LIMD1: variants seen among roughly 807,000 people sequenced by gnomAD.
LIMD1 encodes LIM domain containing 1, also known as LIM domain-containing protein 1.
Under a neutral mutation model 58.4 loss-of-function variants are expected in LIMD1, and 23 were observed. The ratio of observed to expected loss-of-function variants is 0.39; its 90% CI spans 0.28 to 0.56. LIMD1 has a LOEUF of 0.56. Among genes scored for constraint, LIMD1 ranks in the 20% least tolerant of loss-of-function variants. The probability of loss-of-function intolerance (pLI) is 0.57; values close to 1 mark genes in which losing one functional copy is unlikely to be tolerated. For missense variants in LIMD1, 838 were observed against 855.5 expected (o/e 0.98, Z 0.25); for synonymous variants, 334 against 345.5 (o/e 0.97, Z 0.37).
At chr3:45,601,508 C>G (rs765617599) in intron 1 of LIMD1, among the ~76,000 whole-genome samples, 1 of 152,210 alleles carries the variant, frequency 6.6e-6, no homozygotes, top group Non-Finnish European at 1.5e-5. Flanking sequence ...TGCAGCATCC[C>G]CACAGTGCCC....
chr3:45,636,891 C>CA (rs1372755477), intron 2 of LIMD1, among the ~76,000 whole-genome samples: 1 of 152,244 alleles, frequency 6.6e-6, no homozygotes, highest in Non-Finnish European at 1.5e-5. Context: ...AAGATTCTAA[C>CA]ACATTGCATG....
At chr3:45,635,202 C>T (rs1387519294) in intron 1 of LIMD1, among the ~76,000 whole-genome samples, 3 of 152,090 alleles carry the variant, frequency 2.0e-5, no homozygotes, top group Non-Finnish European at 4.4e-5. Flanking sequence ...TGCACCACTG[C>T]ACTCCAGCCC....
At chr3:45,642,231 A>G (rs761136625) in intron 2 of LIMD1, among the ~76,000 whole-genome samples, 1 of 151,374 alleles carries the variant, frequency 6.6e-6, no homozygotes, top group Non-Finnish European at 1.5e-5. Flanking sequence ...GCTGGAGTGC[A>G]ATGGTGGGAT....
intron 1 of LIMD1, among the ~76,000 whole-genome samples, chr3:45,604,096 C>T (rs1701443840): frequency 6.6e-6 from 1 of 152,168 alleles, no homozygotes; most frequent in South Asian, 2.1e-4. Flanking sequence ...AATGTAAAAA[C>T]ACATTATGGC....
intron 1 of LIMD1, among the ~76,000 whole-genome samples, chr3:45,606,354 GT>G (rs1701467638): frequency 1.3e-5 from 2 of 152,208 alleles, no homozygotes; most frequent in South Asian, 4.1e-4. Context: ...AGGGGCTACT[GT>G]GGCTAGGGTA....
intron 2 of LIMD1, among the ~76,000 whole-genome samples, chr3:45,648,203 A>G (rs1281765955): frequency 6.6e-6 from 1 of 152,192 alleles, no homozygotes; most frequent in Admixed American, 6.5e-5. Flanking sequence ...TGGAATAAAT[A>G]AAGGTGACAC....
At position 45,595,244 on chromosome 3, in the gene LIMD1, C is replaced by T. The variant is rs1334488466; in HGVS notation, c.365C>T (p.Ala122Val). The T allele has an allele frequency of 6.2e-7, 1 of 1,605,786 alleles. No individual in the cohort carries two copies. Among genetic ancestry groups the T allele is most frequent in the East Asian group, 2.2e-5 (1 of 44,730 alleles). The change falls in exon 1 of 8, where the codon GCT (alanine) becomes GTT (valine). Residue 122 changes from alanine to valine, a missense_variant. Ala to Val is a moderately conservative substitution (Grantham distance 64). Around this residue, in one of 3 missense-constraint regions of LIMD1, gnomAD observed 659 missense variants for 639.8 expected, o/e 1.03. Transcript: ENST00000273317. ...CCTGGGGCAGTCACCACCCTCGCTG[C>T]TGGGCAGCCCCCGTACCCACCGCAG... ...GAPGAVTTLAAGQPPYPPQEQ... is the reference protein window; with the variant it reads ...GAPGAVTTLAVGQPPYPPQEQ...
chr3:45,679,962 T>C lies in LIMD1; in HGVS notation c.*2903T>C, dbSNP rs1697718739. The C allele has an allele frequency of 6.6e-6, 1 of 152,192 alleles. No homozygotes were observed. Among genetic ancestry groups the C allele is most frequent in the African/African-American group, 2.4e-5 (1 of 41,420 alleles). The allele number at this position is 152,192 out of a possible 1,614,324, so 9.4% of individuals were successfully genotyped here. ...TGGTTAGTGCTCGAGTGAAAACCTCTTTCAGCTGAGTCCTCTGAGGTTCTG... is the reference window on the plus strand; with the variant it reads ...TGGTTAGTGCTCGAGTGAAAACCTCCTTCAGCTGAGTCCTCTGAGGTTCTG... On this transcript the variant is annotated 3_prime_UTR_variant, in exon 8 of 8. Coordinates refer to ENST00000273317, the MANE Select transcript of LIMD1 (RefSeq NM_014240.3).
In LIMD1 at chr3:45,684,286, C is replaced by T. The variant is rs1448524501; in HGVS notation, c.*7227C>T. ...TCCTAGCTCTCAAGGACAGGTGGTT[C>T]TGGGCCCTGTGTTGCCCATGAGACT... On this transcript the variant is annotated 3_prime_UTR_variant, in exon 8 of 8. Transcript: ENST00000273317. 2.0e-5 allele frequency: 3 copies of T among 152,252 alleles called. No homozygotes were observed. Among genetic ancestry groups the T allele is most frequent in the African/African-American group, 7.2e-5 (3 of 41,458 alleles). 9.4% of individuals were successfully genotyped at this position (152,252 alleles called of 1,614,324 possible). A position where few individuals can be genotyped will look rare whatever the true frequency, so the allele number is the denominator to read the frequency against.
At chr3:45,671,952 T>C (rs1436318520) in intron 4 of LIMD1, among the ~76,000 whole-genome samples, 2 of 152,218 alleles carry the variant, frequency 1.3e-5, no homozygotes, top group African/African-American at 4.8e-5. Context: ...CTGCTGTCCA[T>C]GTCTTGGGTC....
intron 1 of LIMD1, among the ~76,000 whole-genome samples, chr3:45,601,302 G>C (rs1419575781): frequency 6.6e-6 from 1 of 152,194 alleles, no homozygotes; most frequent in Non-Finnish European, 1.5e-5. Flanking sequence ...CATCCTAGTT[G>C]GCCTGACATG....
intron 6 of LIMD1, chr3:45,674,002 T>C (rs960229950): frequency 1.1e-5 from 3 of 283,550 alleles, no homozygotes; most frequent in Non-Finnish European, 2.0e-5. Context: ...TTTGTCCCCA[T>C]AACCAGGTCA....
intron 1 of LIMD1, among the ~76,000 whole-genome samples, chr3:45,620,758 A>G (rs1701621736): frequency 6.6e-6 from 1 of 152,244 alleles, no homozygotes; most frequent in South Asian, 2.1e-4. Context: ...TCATCAATGG[A>G]TGCTGCATAG....
chr3:45,605,324 C>T (rs781386938), intron 1 of LIMD1, among the ~76,000 whole-genome samples: 16 of 152,222 alleles, frequency 1.1e-4, no homozygotes, highest in Admixed American at 2.0e-4. Flanking sequence ...CAGACCTTTA[C>T]GGAATTAAAA....
At chr3:45,620,009 C>T (rs1325578650) in intron 1 of LIMD1, among the ~76,000 whole-genome samples, 3 of 151,960 alleles carry the variant, frequency 2.0e-5, no homozygotes, top group Non-Finnish European at 4.4e-5. Context: ...TGGAGGATGT[C>T]GGATGGGGTA....
At chr3:45,654,729 G>A (rs907110457) in intron 2 of LIMD1, among the ~76,000 whole-genome samples, 2 of 150,188 alleles carry the variant, frequency 1.3e-5, no homozygotes, top group Non-Finnish European at 3.0e-5. Context: ...AGCTACTCAA[G>A]GCTGAGGTGG....
chr3:45,639,414 C>T (rs113631135), intron 2 of LIMD1, among the ~76,000 whole-genome samples: 2 of 152,120 alleles, frequency 1.3e-5, no homozygotes, highest in Admixed American at 1.3e-4. Flanking sequence ...AACAAAGTAC[C>T]ATACACTGGT....
In LIMD1 at chr3:45,681,241, A is replaced by C. The variant is rs1343511209; in HGVS notation, c.*4182A>C. The C allele has an allele frequency of 6.6e-6, 1 of 152,196 alleles. No individual in the cohort carries two copies. Among genetic ancestry groups the C allele is most frequent in the African/African-American group, 2.4e-5 (1 of 41,450 alleles). The allele number at this position is 152,196 out of a possible 1,614,324, so 9.4% of individuals were successfully genotyped here. On this transcript the variant is annotated 3_prime_UTR_variant, in exon 8 of 8. Transcript: ENST00000273317. The stretch of plus-strand genomic sequence containing the variant: ...ACAAAACTGCATCAATTTGTTGACT[A>C]TTAAAGTGCTCCTTGAACATTATAT...
chr3:45,618,089 G>A (rs145936498), intron 1 of LIMD1, among the ~76,000 whole-genome samples: 19 of 152,228 alleles, frequency 1.2e-4, no homozygotes, highest in African/African-American at 4.3e-4. Flanking sequence ...TGACCTCTGA[G>A]CCCTTCTTGC....
Sources: allele counts gnomAD v4.1 joint callset (sites outside exome capture counted in the v4.1 genomes callset), GRCh38; gene constraint gnomAD v4.1.1; regional missense constraint gnomAD v4.1.1; transcripts MANE v1.5; gene names NCBI Gene and HGNC (gene_info 2026-07-23, HGNC 2026-07-21).